FTO: variants seen among roughly 807,000 people sequenced by gnomAD.
The protein encoded by FTO is FTO alpha-ketoglutarate dependent dioxygenase.
In FTO, 47 loss-of-function variants were observed where a neutral mutation model predicts 63.9. That is an observed-to-expected ratio of 0.74 (90% CI 0.58 to 0.94). The LOEUF is 0.94. Among genes scored for constraint, FTO ranks in the 40% least tolerant of loss-of-function variants. The pLI is 0.00. For synonymous variants in FTO, 207 were observed against 224.4 expected, an observed-to-expected ratio of 0.92 and a Z score of 0.69; for missense variants, 562 against 618.1, an observed-to-expected ratio of 0.91 and a Z score of 0.96.
At chr16:53,911,243 A>C in intron 7 of FTO, 1 of 631,064 alleles carries the variant, frequency 1.6e-6, no homozygotes, top group Non-Finnish European at 2.9e-6. Flanking sequence ...TGGAGTGAGT[A>C]AGAGAGAATG....
intron 8 of FTO, among the ~76,000 whole-genome samples, chr16:54,042,020 G>T (rs1381461458): frequency 1.3e-5 from 2 of 152,180 alleles, no homozygotes; most frequent in African/African-American, 4.8e-5. Context: ...GTAGAACCTG[G>T]CTGTGATCTC....
chr16:53,961,580 G>A (rs1297897818), intron 8 of FTO, among the ~76,000 whole-genome samples: 1 of 152,220 alleles, frequency 6.6e-6, no homozygotes, highest in Non-Finnish European at 1.5e-5. Flanking sequence ...AACTTCTGTT[G>A]AAGCCTGGGA....
chr16:53,749,792 G>A (rs2076739567), intron 1 of FTO, among the ~76,000 whole-genome samples: 1 of 152,102 alleles, frequency 6.6e-6, no homozygotes, highest in African/African-American at 2.4e-5. Flanking sequence ...CTTATGTATG[G>A]CCTTTATTGT....
intron 7 of FTO, among the ~76,000 whole-genome samples, chr16:53,893,883 A>G (rs2081215399): frequency 6.6e-6 from 1 of 152,214 alleles, no homozygotes; most frequent in Non-Finnish European, 1.5e-5. Flanking sequence ...TGTTATAGCA[A>G]TGCATTTATA....
intron 7 of FTO, among the ~76,000 whole-genome samples, chr16:53,931,377 G>T (rs76575369): frequency 0.074 from 10,861 of 147,426 alleles, 531 homozygotes; most frequent in Non-Finnish European, 0.11. Context: ...CGCGATCTTG[G>T]CTCACTGCAA....
At chr16:53,772,273 CT>C (rs1458952316) in intron 1 of FTO, among the ~76,000 whole-genome samples, 1 of 151,960 alleles carries the variant, frequency 6.6e-6, no homozygotes, top group Non-Finnish European at 1.5e-5. Context: ...AGGGCAAGTG[CT>C]TCCTGCCATG....
intron 1 of FTO, among the ~76,000 whole-genome samples, chr16:53,800,713 A>G (rs2078197337): frequency 2.0e-5 from 3 of 151,996 alleles, no homozygotes; most frequent in Non-Finnish European, 4.4e-5. Context: ...CTCCTTTATC[A>G]TTATGAAATG....
At chr16:53,781,292 A>G (rs895023738) in intron 1 of FTO, among the ~76,000 whole-genome samples, 1 of 152,240 alleles carries the variant, frequency 6.6e-6, no homozygotes, top group African/African-American at 2.4e-5. Context: ...CTGTTATGCC[A>G]CAATACATAA....
At chr16:53,847,599 C>T (rs1239301654) in intron 4 of FTO, among the ~76,000 whole-genome samples, 1 of 151,878 alleles carries the variant, frequency 6.6e-6, no homozygotes, top group Non-Finnish European at 1.5e-5. Flanking sequence ...GGGACCCTGT[C>T]ACTACTAAAA....
At chr16:53,957,076 G>T (rs1228630375) in intron 8 of FTO, among the ~76,000 whole-genome samples, 1 of 152,154 alleles carries the variant, frequency 6.6e-6, no homozygotes, top group Admixed American at 6.5e-5. Flanking sequence ...GTTGGCCTGG[G>T]CATAGATAGG....
At position 53,907,751 on chromosome 16, in the gene FTO, A is replaced by G. The variant is rs116046733; in HGVS notation, c.1239+18800A>G. 9.2e-3 allele frequency among the ~76,000 whole-genome samples: 1,405 copies of G among 152,114 alleles called. 19 individuals carry two copies. The highest frequency in any genetic ancestry group is 0.032 in the African/African-American group (1,310 of 41,484). On this transcript the variant is annotated intron_variant, in intron 7 of 8. Transcript: ENST00000471389. ...CCCTTCTTCTTCAGGGCCTTTGCAC[A>G]CGTCATTTGTTCTTCCTGGAATGTC... is the stretch of plus-strand genomic sequence containing the variant.
chr16:53,735,814 A>G (rs115818665), intron 1 of FTO, among the ~76,000 whole-genome samples: 1 of 152,178 alleles, frequency 6.6e-6, no homozygotes, highest in Non-Finnish European at 1.5e-5. Context: ...CTTTCACCTA[A>G]GTCAATATTG....
At chr16:53,904,611 T>G (rs1219001155) in intron 7 of FTO, among the ~76,000 whole-genome samples, 1 of 152,170 alleles carries the variant, frequency 6.6e-6, no homozygotes, top group Non-Finnish European at 1.5e-5. Context: ...GCCCTTTATG[T>G]ACCCTGCTGA....
chr16:53,783,604 TAAAAA>T (rs753810468), intron 1 of FTO, among the ~76,000 whole-genome samples: 24 of 68,134 alleles, frequency 3.5e-4, no homozygotes, highest in African/African-American at 1.3e-3. Flanking sequence ...CAAGACTCCA[TAAAAA>T]AAAAAAAAAA....
intron 7 of FTO, among the ~76,000 whole-genome samples, chr16:53,926,513 C>T (rs2082141691): frequency 6.6e-6 from 1 of 152,226 alleles, no homozygotes; most frequent in Non-Finnish European, 1.5e-5. Context: ...ATGGAGCCCA[C>T]ACTCTGGAAG....
chr16:53,754,577 G>A (rs1010252749), intron 1 of FTO, among the ~76,000 whole-genome samples: 1 of 152,168 alleles, frequency 6.6e-6, no homozygotes, highest in Non-Finnish European at 1.5e-5. Context: ...GGTGGCAGTT[G>A]CAGTGAGCTG....
intron 7 of FTO, among the ~76,000 whole-genome samples, chr16:53,918,932 C>T (rs1428099810): frequency 1.3e-5 from 2 of 152,126 alleles, no homozygotes; most frequent in Non-Finnish European, 2.9e-5. Context: ...TTAGCTAAGC[C>T]TCAGTTTCCT....
intron 8 of FTO, among the ~76,000 whole-genome samples, chr16:54,002,825 T>A (rs1342584586): frequency 6.6e-6 from 1 of 152,182 alleles, no homozygotes; most frequent in Non-Finnish European, 1.5e-5. Context: ...TGTAAAATAG[T>A]GCAGCCACTC....
At chr16:54,070,105 C>T (rs1230601280) in intron 8 of FTO, 6 of 151,982 alleles carry the variant, frequency 3.9e-5, no homozygotes, top group East Asian at 3.9e-4. Flanking sequence ...GCAATCAATA[C>T]GTGTTAATTA....
Sources: gnomAD v4.1 joint callset for allele counts (sites outside exome capture counted in the v4.1 genomes callset) on GRCh38, gnomAD v4.1.1 for gene constraint, MANE v1.5 for transcripts, NCBI Gene and HGNC (gene_info 2026-07-23, HGNC 2026-07-21) for gene names.